OPHN1: variants seen among roughly 807,000 people sequenced by gnomAD.
OPHN1 encodes the protein oligophrenin-1.
In OPHN1, 11 loss-of-function variants were observed where a neutral mutation model predicts 60.7. The observed-to-expected ratio is 0.18, with a 90% CI of 0.11 to 0.30. The LOEUF (loss-of-function observed/expected upper bound fraction) is 0.30. Ranked by LOEUF, OPHN1 falls within the 10% of genes least tolerant of loss-of-function variation. The pLI is 1.00. For missense variants in OPHN1, 449 were observed against 611.0 expected (o/e 0.73, Z 2.80); for synonymous variants, 226 against 222.6 (o/e 1.02, Z -0.14).
At chrX:68,385,449 C>T (rs1479669938) in intron 2 of OPHN1, among the ~76,000 whole-genome samples, 1 of 112,270 alleles carries the variant, frequency 8.9e-6, no homozygotes, top group Non-Finnish European at 1.9e-5. Context: ...ATCTCAGCAA[C>T]TTCTAAAATT....
intron 5 of OPHN1, among the ~76,000 whole-genome samples, chrX:68,269,609 ATG>A (rs2077955139): frequency 8.9e-6 from 1 of 111,924 alleles, no homozygotes; most frequent in Admixed American, 9.5e-5. Context: ...AAAGACTTAC[ATG>A]TTAGACCTAA....
At chrX:68,285,762 G>T (rs908465794) in intron 3 of OPHN1, among the ~76,000 whole-genome samples, 2 of 109,863 alleles carry the variant, frequency 1.8e-5, no homozygotes, top group Non-Finnish European at 3.8e-5. Context: ...CTTTAAATTT[G>T]CTGGTCATTT....
At chrX:68,059,733 C>T (rs1048792907) in intron 21 of OPHN1, among the ~76,000 whole-genome samples, 2 of 111,495 alleles carry the variant, frequency 1.8e-5, no homozygotes, top group Non-Finnish European at 3.8e-5. Flanking sequence ...AAAAGCATGC[C>T]ACCAGATGCA....
chrX:68,142,983 C>T (rs980140871), intron 15 of OPHN1, among the ~76,000 whole-genome samples: 1 of 111,498 alleles, frequency 9.0e-6, no homozygotes, highest in African/African-American at 3.3e-5. Flanking sequence ...CTCTTATCTT[C>T]TATTTTAAGA....
chrX:68,404,620 T>C (rs1240684489), intron 2 of OPHN1, among the ~76,000 whole-genome samples: 1 of 111,540 alleles, frequency 9.0e-6, no homozygotes, highest in Non-Finnish European at 1.9e-5. Flanking sequence ...TGTTCATTGA[T>C]GGGTAAAAGG....
At chrX:68,055,880 A>G (rs1474208739) in intron 21 of OPHN1, among the ~76,000 whole-genome samples, 1 of 110,909 alleles carries the variant, frequency 9.0e-6, no homozygotes, top group African/African-American at 3.3e-5. Context: ...GCACGTTCTC[A>G]CTCATAGGTG....
intron 5 of OPHN1, among the ~76,000 whole-genome samples, chrX:68,261,874 T>A (rs112776390): frequency 9.0e-6 from 1 of 111,274 alleles, no homozygotes; most frequent in Non-Finnish European, 1.9e-5. Context: ...ATAATATCAA[T>A]AAGATTACAT....
chrX:68,043,375 A>G lies in OPHN1; in HGVS notation c.*3797T>C, dbSNP rs1602117332. 1.0e-5 allele frequency: 1 copy of G among 98,474 alleles called. No homozygotes were observed. The highest frequency in any genetic ancestry group is 3.6e-4 in the East Asian group (1 of 2,800). 8.1% of individuals were successfully genotyped at this position (98,474 alleles called of 1,213,427 possible). On this transcript the variant is annotated 3_prime_UTR_variant, in exon 25 of 25. Transcript: ENST00000355520. ...ACCCTAAAACTTAGAGTATAATAAA[A>G]AAAAGAAAAAAAAAAGAAAAAAAAA...
intron 11 of OPHN1, among the ~76,000 whole-genome samples, chrX:68,201,139 A>C (rs2077533545): frequency 8.9e-6 from 1 of 111,805 alleles, no homozygotes; most frequent in African/African-American, 3.2e-5. Context: ...TCTGTAAAGT[A>C]GGGAAGGTCT....
At chrX:68,227,413 G>C (rs1039172660) in intron 6 of OPHN1, among the ~76,000 whole-genome samples, 7 of 111,163 alleles carry the variant, frequency 6.3e-5, no homozygotes, top group African/African-American at 2.3e-4. Context: ...GGACCTAATA[G>C]ACATCTACAG....
chrX:68,071,448 G>A (rs1267335619), intron 20 of OPHN1: 3 of 912,448 alleles, frequency 3.3e-6, no homozygotes, highest in Non-Finnish European at 4.8e-6. Flanking sequence ...GGTTGGCACA[G>A]GCTTTCTCCA....
At chrX:68,090,797 G>A (rs1046058386) in intron 19 of OPHN1, among the ~76,000 whole-genome samples, 4 of 111,384 alleles carry the variant, frequency 3.6e-5, no homozygotes, top group African/African-American at 1.3e-4. Flanking sequence ...ATACCATTCA[G>A]TCTTCCATTT....
chrX:68,330,827 T>C (rs1271530360), intron 2 of OPHN1, among the ~76,000 whole-genome samples: 5 of 107,849 alleles, frequency 4.6e-5, no homozygotes, highest in Admixed American at 1.0e-4. Context: ...CTCTATATAA[T>C]ATTCATAGTA....
At chrX:68,176,890 T>C (rs762281608) in intron 15 of OPHN1, among the ~76,000 whole-genome samples, 20 of 109,794 alleles carry the variant, frequency 1.8e-4, no homozygotes, top group Admixed American at 1.7e-3. Flanking sequence ...AGCAGTATTG[T>C]TCATAGTGGA....
intron 5 of OPHN1, among the ~76,000 whole-genome samples, chrX:68,246,567 T>C (rs2077806970): frequency 9.0e-6 from 1 of 111,676 alleles, no homozygotes; most frequent in African/African-American, 3.3e-5. Context: ...CAAGAAACCA[T>C]GGTCTTGTGG....
At chrX:68,071,330 CT>C (rs1296287917) in intron 20 of OPHN1, 8 of 757,864 alleles carry the variant, frequency 1.1e-5, no homozygotes, top group Non-Finnish European at 1.7e-5. Flanking sequence ...GCTCGGAAAG[CT>C]TCTATTTTGG....
intron 5 of OPHN1, among the ~76,000 whole-genome samples, chrX:68,259,270 G>GGGAGACCTCATCTCAA (rs2077881635): frequency 9.0e-6 from 1 of 111,007 alleles, no homozygotes; most frequent in African/African-American, 3.3e-5. Flanking sequence ...GGGCAATACA[G>GGGAGACCTCATCTCAA]GGAGACCTCA....
intron 3 of OPHN1, among the ~76,000 whole-genome samples, chrX:68,292,301 T>G (rs750962102): frequency 2.7e-5 from 3 of 112,015 alleles, no homozygotes; most frequent in African/African-American, 9.7e-5. Context: ...GTCTGAAGAC[T>G]TTTTTCTTCA....
intron 16 of OPHN1, 119 bp downstream of exon 16, chrX:68,119,129 G>T (rs1394823812): frequency 1.1e-5 from 6 of 525,640 alleles, no homozygotes; most frequent in Non-Finnish European, 2.0e-5. Context: ...CTCTTCACAT[G>T]TTTTTTCTTA....
Sources: gnomAD v4.1 joint callset for allele counts (sites outside exome capture counted in the v4.1 genomes callset) on GRCh38, gnomAD v4.1.1 for gene constraint, MANE v1.5 for transcripts, NCBI Gene and HGNC (gene_info 2026-07-23, HGNC 2026-07-21) for gene names.